The following FAM107B variants were observed in gnomAD, a reference collection of about 807,000 sequenced individuals.
The protein encoded by FAM107B is protein FAM107B.
Under a neutral mutation model 31.5 loss-of-function variants are expected in FAM107B, and 21 were observed. That is an observed-to-expected ratio of 0.67 (90% CI 0.47 to 0.96). The LOEUF (loss-of-function observed/expected upper bound fraction) is 0.96. FAM107B is among the 40% of genes least tolerant of loss of function. The pLI is 0.00. For synonymous variants in FAM107B, 157 were observed against 141.5 expected (o/e 1.11, Z -0.78); for missense variants, 452 against 377.1 (o/e 1.20, Z -1.64).
chr10:14,582,912 C>T (rs1185037155), intron 2 of FAM107B, among the ~76,000 whole-genome samples: 1 of 151,688 alleles, frequency 6.6e-6, no homozygotes, highest in East Asian at 1.9e-4. Flanking sequence ...ATGGCAAAAC[C>T]CCATCTCTAC....
At chr10:14,612,702 T>TC (rs1202569709) in intron 2 of FAM107B, 1 of 152,198 alleles carries the variant, frequency 6.6e-6, no homozygotes, top group East Asian at 1.9e-4. Flanking sequence ...GATAGAACTG[T>TC]CCTTGTCTTT....
At position 14,767,024 on chromosome 10, in the gene FAM107B, GTATATATA is replaced by G. The variant is rs369321562; in HGVS notation, c.411+7221_411+7228del. On this transcript the variant is annotated intron_variant, in intron 1 of 4. Transcript: ENST00000181796. ...GCAGAACAATATCCCTGATGTGTAT[GTATATATA>G]TATATATATATATATATATATATAG... Among the ~76,000 whole-genome samples the G allele has an allele frequency of 3.1e-3, 51 of 16,232 alleles. 1 individual carries two copies. The highest frequency in any genetic ancestry group is 6.9e-3 in the South Asian group (1 of 144). The allele number at this position is 16,232 out of a possible 152,430, so 10.6% of individuals were successfully genotyped here.
chr10:14,616,535 A>G (rs906166590), intron 2 of FAM107B, among the ~76,000 whole-genome samples: 1 of 152,216 alleles, frequency 6.6e-6, no homozygotes, highest in African/African-American at 2.4e-5. Flanking sequence ...CAGTGGGTAT[A>G]TTATTGGCAA....
At chr10:14,767,180 T>C (rs59378128) in intron 1 of FAM107B, among the ~76,000 whole-genome samples, 16,515 of 146,188 alleles carry the variant, frequency 0.11, 2,653 homozygotes, top group African/African-American at 0.35. Flanking sequence ...CTGCAACCTC[T>C]GCCTCCCGGG....
intron 2 of FAM107B, among the ~76,000 whole-genome samples, chr10:14,539,514 T>G (rs1404892989): frequency 1.3e-5 from 2 of 152,046 alleles, no homozygotes; most frequent in African/African-American, 2.4e-5. Flanking sequence ...AGTTCTCACA[T>G]AATCTAGTTT....
intron 1 of FAM107B, among the ~76,000 whole-genome samples, chr10:14,755,250 A>G (rs1832905232): frequency 6.6e-6 from 1 of 152,158 alleles, no homozygotes; most frequent in Non-Finnish European, 1.5e-5. Context: ...AACAAGTCCC[A>G]TTAGGTAGCA....
intron 1 of FAM107B, among the ~76,000 whole-genome samples, chr10:14,772,502 A>G (rs968190487): frequency 6.6e-6 from 1 of 152,030 alleles, no homozygotes; most frequent in Non-Finnish European, 1.5e-5. Flanking sequence ...ATAGATGCCC[A>G]TTTACCCACA....
At chr10:14,598,539 G>A (rs1430772929) in intron 2 of FAM107B, among the ~76,000 whole-genome samples, 5 of 152,136 alleles carry the variant, frequency 3.3e-5, no homozygotes, top group Admixed American at 3.3e-4. Flanking sequence ...GGTTGTCAGG[G>A]ACTGCAGTGG....
rs75484617 is a variant in FAM107B, at chr10:14,654,763, G to A, written c.469+12871C>T. 9.8e-3 allele frequency among the ~76,000 whole-genome samples: 1,486 copies of A among 152,222 alleles called. 31 individuals carry two copies. Among genetic ancestry groups the A allele is most frequent in the African/African-American group, 0.034 (1,395 of 41,524 alleles). Reference sequence around the variant, plus strand: ...CAGTAACTAAGTAGATATGCTTTGCGATAGTCAACTTCAAGGTGAAAAAAT... The same window carrying A: ...CAGTAACTAAGTAGATATGCTTTGCAATAGTCAACTTCAAGGTGAAAAAAT... On this transcript the variant is annotated intron_variant, in intron 2 of 4. Transcript: ENST00000181796.
intron 2 of FAM107B, among the ~76,000 whole-genome samples, chr10:14,655,330 G>C (rs1313887576): frequency 6.6e-6 from 1 of 152,260 alleles, no homozygotes; most frequent in Non-Finnish European, 1.5e-5. Flanking sequence ...GCAGTAGTAA[G>C]TAGTCAAAGA....
intron 1 of FAM107B, among the ~76,000 whole-genome samples, chr10:14,753,581 A>G (rs1386670860): frequency 6.6e-6 from 1 of 152,214 alleles, no homozygotes; most frequent in Non-Finnish European, 1.5e-5. Context: ...CATCTTTTTC[A>G]GTTTTCCTCA....
intron 1 of FAM107B, among the ~76,000 whole-genome samples, chr10:14,772,422 A>C (rs1212001726): frequency 6.6e-6 from 1 of 151,574 alleles, no homozygotes; most frequent in African/African-American, 2.4e-5. Context: ...ACTCTGTGTA[A>C]AGCACTTAGA....
At chr10:14,695,308 T>C (rs1474656837) in intron 1 of FAM107B, among the ~76,000 whole-genome samples, 2 of 152,318 alleles carry the variant, frequency 1.3e-5, no homozygotes, top group South Asian at 2.1e-4. Context: ...TAGTTGACCA[T>C]ATGTGTTTGG....
At chr10:14,739,655 A>T (rs941419626) in intron 1 of FAM107B, among the ~76,000 whole-genome samples, 1 of 152,208 alleles carries the variant, frequency 6.6e-6, no homozygotes, top group South Asian at 2.1e-4. Flanking sequence ...ATAAAGGGAA[A>T]ATATTTCATT....
rs57262758 is a variant in FAM107B, at chr10:14,690,932, G to GTTGA, written c.412-23245_412-23242dup. ...TCCATTCATTATTTCATGGGCATTT[G>GTTGA]TTGATTGATTGATTGATTGATAGCC... On this transcript the variant is annotated intron_variant, in intron 1 of 4. Coordinates refer to ENST00000181796, the MANE Select transcript of FAM107B (RefSeq NM_031453.4). Among the ~76,000 whole-genome samples, 64 of 151,742 alleles carry GTTGA rather than the reference G, an allele frequency of 4.2e-4. 1 individual carries two copies. Among genetic ancestry groups the GTTGA allele is most frequent in the African/African-American group, 1.0e-3 (42 of 41,286 alleles).
At chr10:14,662,214 T>TAAATAG (rs2131465974) in intron 2 of FAM107B, among the ~76,000 whole-genome samples, 1 of 152,284 alleles carries the variant, frequency 6.6e-6, no homozygotes, top group Admixed American at 6.5e-5. Flanking sequence ...ACCTCACTTT[T>TAAATAG]AAATAGACAT....
In FAM107B at chr10:14,753,316, C is replaced by A. The variant is rs76237335; in HGVS notation, c.411+20937G>T. 9.5e-3 allele frequency among the ~76,000 whole-genome samples: 1,448 copies of A among 152,300 alleles called. 21 individuals are homozygous for A. The highest frequency in any genetic ancestry group is 0.033 in the African/African-American group (1,385 of 41,564). On this transcript the variant is annotated intron_variant, in intron 1 of 4. Coordinates refer to ENST00000181796, the MANE Select transcript of FAM107B (RefSeq NM_031453.4). ...CCAACAACCCAAGCTCTGCCACTGG[C>A]TCCTAACCAGGATAGCAATGGTGAC...
intron 1 of FAM107B, among the ~76,000 whole-genome samples, chr10:14,702,459 G>C (rs952438413): frequency 1.3e-5 from 2 of 152,048 alleles, no homozygotes; most frequent in African/African-American, 4.8e-5. Context: ...CGATTCTCCC[G>C]CCTCAGCCCC....
chr10:14,534,740 T>C (rs1290288981), intron 2 of FAM107B: 1 of 152,234 alleles, frequency 6.6e-6, no homozygotes, highest in Non-Finnish European at 1.5e-5. Context: ...TGGGATGTTC[T>C]TTGTTCTTTT....
Sources: allele counts gnomAD v4.1 joint callset (sites outside exome capture counted in the v4.1 genomes callset), GRCh38; gene constraint gnomAD v4.1.1; transcripts MANE v1.5; gene names NCBI Gene and HGNC (gene_info 2026-07-23, HGNC 2026-07-21).